The following ZNF366 variants were observed in gnomAD, a reference collection of about 807,000 sequenced individuals.
ZNF366 encodes zinc finger protein 366.
In ZNF366, 20 loss-of-function variants were observed where a neutral mutation model predicts 47.2. That is an observed-to-expected ratio of 0.42 (90% confidence interval 0.30 to 0.62). The LOEUF (loss-of-function observed/expected upper bound fraction) is 0.62. Ranked by LOEUF, ZNF366 falls within the 20% of genes least tolerant of loss-of-function variation. ZNF366 has a pLI of 0.16. For synonymous variants in ZNF366, 421 were observed against 395.1 expected, an observed-to-expected ratio of 1.07 and a Z score of -0.78; for missense variants, 987 against 976.3, an observed-to-expected ratio of 1.01 and a Z score of -0.15.
At chr5:72,506,435 C>G (rs749986151) in intron 1 of ZNF366, among the ~76,000 whole-genome samples, 1 of 152,156 alleles carries the variant, frequency 6.6e-6, no homozygotes, top group Non-Finnish European at 1.5e-5. Flanking sequence ...TAGCTTGCTA[C>G]GCCCTATTTG....
chr5:72,495,469 C>G (rs1338733972), intron 1 of ZNF366, among the ~76,000 whole-genome samples: 1 of 152,096 alleles, frequency 6.6e-6, no homozygotes, highest in Non-Finnish European at 1.5e-5. Flanking sequence ...TGTAACTGCT[C>G]CTGTATACTG....
chr5:72,486,812 G>A lies in ZNF366; in HGVS notation c.-15+20439C>T, dbSNP rs141558732. ...TTTTTTTTTTAGATGGAGTCACTCTGTCACCTAGGCTGGAGTGCAATGGCC... is the reference window on the plus strand; with the variant it reads ...TTTTTTTTTTAGATGGAGTCACTCTATCACCTAGGCTGGAGTGCAATGGCC... On this transcript the variant is annotated intron_variant, in intron 1 of 4. Coordinates refer to ENST00000318442, the MANE Select transcript of ZNF366 (RefSeq NM_152625.3). Among the ~76,000 whole-genome samples, 528 of 151,478 alleles carry A rather than the reference G, an allele frequency of 3.5e-3. 12 individuals are homozygous for A. The highest frequency in any genetic ancestry group is 0.029 in the Admixed American group (448 of 15,230).
intron 4 of ZNF366, among the ~76,000 whole-genome samples, chr5:72,444,800 A>G (rs1742928495): frequency 6.6e-6 from 1 of 152,202 alleles, no homozygotes; most frequent in Non-Finnish European, 1.5e-5. Context: ...GTGTGTGTGT[A>G]TTTATTTATA....
At chr5:72,503,534 C>G (rs1351533202) in intron 1 of ZNF366, among the ~76,000 whole-genome samples, 2 of 97,438 alleles carry the variant, frequency 2.1e-5, no homozygotes, top group African/African-American at 3.5e-5. Context: ...TTCTAATACA[C>G]ACACACACAC....
intron 2 of ZNF366, among the ~76,000 whole-genome samples, chr5:72,457,821 GATGGT>G (rs1743220330): frequency 6.6e-6 from 1 of 152,100 alleles, no homozygotes; most frequent in Non-Finnish European, 1.5e-5. Flanking sequence ...TAGTCCAGAT[GATGGT>G]ACATGAGTAT....
At chr5:72,455,936 A>G (rs532467157) in intron 3 of ZNF366, among the ~76,000 whole-genome samples, 139 of 150,948 alleles carry the variant, frequency 9.2e-4, no homozygotes, top group African/African-American at 3.2e-3. Context: ...CCAAGTGTCA[A>G]GAGGCAAGGA....
At chr5:72,464,012 T>C (rs963158392) in intron 1 of ZNF366, among the ~76,000 whole-genome samples, 1 of 152,190 alleles carries the variant, frequency 6.6e-6, no homozygotes, top group African/African-American at 2.4e-5. Context: ...GCTGCTCAGA[T>C]TGGAAAAGTC....
intron 1 of ZNF366, among the ~76,000 whole-genome samples, chr5:72,475,376 G>A (rs1259435717): frequency 2.0e-5 from 3 of 152,170 alleles, no homozygotes; most frequent in Non-Finnish European, 4.4e-5. Flanking sequence ...TTAGAGGCTT[G>A]CTACCTCACT....
intron 1 of ZNF366, among the ~76,000 whole-genome samples, chr5:72,471,660 A>G (rs1743567674): frequency 6.6e-6 from 1 of 152,228 alleles, no homozygotes; most frequent in African/African-American, 2.4e-5. Context: ...ATACTTTTGC[A>G]ACTTATACTT....
rs545249511 is a variant in ZNF366, at chr5:72,455,686, C to T, written c.1524+718G>A. Among the ~76,000 whole-genome samples, 10 of 152,330 alleles carry T rather than the reference C, an allele frequency of 6.6e-5. No homozygotes were observed. In the South Asian group the frequency reaches 1.7e-3, roughly 25 times the overall value. ...GGGTTTTACAAATCTCCAGCTCACA[C>T]GTTTTCTCGGCTGATGAAATACAAA... On this transcript the variant is annotated intron_variant, in intron 3 of 4. Coordinates refer to ENST00000318442, the MANE Select transcript of ZNF366 (RefSeq NM_152625.3).
chr5:72,465,217 T>A (rs1388926017), intron 1 of ZNF366, among the ~76,000 whole-genome samples: 1 of 152,192 alleles, frequency 6.6e-6, no homozygotes, highest in African/African-American at 2.4e-5. Flanking sequence ...TAGATCTGAT[T>A]TCCCCTTGGC....
At chr5:72,461,719 G>T (rs919312124) in intron 1 of ZNF366, among the ~76,000 whole-genome samples, 11 of 152,078 alleles carry the variant, frequency 7.2e-5, no homozygotes, top group African/African-American at 2.7e-4. Flanking sequence ...TGGCCTCTTG[G>T]GGTGACCCTA....
At chr5:72,505,368 G>A (rs1423680121) in intron 1 of ZNF366, among the ~76,000 whole-genome samples, 1 of 152,178 alleles carries the variant, frequency 6.6e-6, no homozygotes, top group Non-Finnish European at 1.5e-5. Flanking sequence ...TCACAGCAAT[G>A]ACTTAACAAC....
intron 1 of ZNF366, among the ~76,000 whole-genome samples, chr5:72,485,972 C>T (rs1373474244): frequency 1.3e-5 from 2 of 152,154 alleles, no homozygotes; most frequent in Admixed American, 1.3e-4. Flanking sequence ...AGTTTTTACA[C>T]AATACTGTGT....
rs368825174 is a variant in ZNF366, at chr5:72,473,149, G to A, written c.-14-11639C>T. Among the ~76,000 whole-genome samples the A allele has an allele frequency of 3.3e-5, 5 of 152,268 alleles. No individual in the cohort carries two copies. In the East Asian group the frequency reaches 9.6e-4, roughly 29 times the overall value. On this transcript the variant is annotated intron_variant, in intron 1 of 4. Transcript: ENST00000318442. ...AATTTGCTAGTCTTAAGAGAATTTT[G>A]TTCTGTTCTTTTACAATAAATAGTA... is the stretch of plus-strand genomic sequence containing the variant.
At position 72,461,373 on chromosome 5, in the gene ZNF366, G is replaced by A. The variant is rs372681269; in HGVS notation, c.124C>T (p.His42Tyr). 6.2e-7 allele frequency: 1 copy of A among 1,614,002 alleles called. No individual in the cohort carries two copies. The highest frequency in any genetic ancestry group is 8.5e-7 in the Non-Finnish European group (1 of 1,179,952). The part of the protein sequence containing the change: ...VASRGKAPQR[H>Y]PFPEALRGPF... ...CCTCGGAGAGCTTCCGGGAAGGGGT[G>A]TCTTTGGGGAGCCTTTCCCCGAGAA... The change falls in exon 2 of 5, where the codon CAC becomes TAC. Residue 42 changes from histidine (H) to tyrosine (Y), a missense_variant. Transcript: ENST00000318442.
At chr5:72,486,108 C>T (rs1290621953) in intron 1 of ZNF366, among the ~76,000 whole-genome samples, 1 of 152,202 alleles carries the variant, frequency 6.6e-6, no homozygotes, top group African/African-American at 2.4e-5. Flanking sequence ...CATTTTCCTC[C>T]ACTAGAATGC....
chr5:72,492,157 G>T (rs2112352099), intron 1 of ZNF366, among the ~76,000 whole-genome samples: 1 of 152,346 alleles, frequency 6.6e-6, no homozygotes, highest in Admixed American at 6.5e-5. Context: ...GCTTACACTT[G>T]AAATAACTTG....
At chr5:72,453,293 G>A (rs1391748542) in intron 3 of ZNF366, among the ~76,000 whole-genome samples, 1 of 152,246 alleles carries the variant, frequency 6.6e-6, no homozygotes, top group Non-Finnish European at 1.5e-5. Flanking sequence ...AAAGGAGAGA[G>A]AACGAAGACT....
Sources: gnomAD v4.1 joint callset for allele counts (sites outside exome capture counted in the v4.1 genomes callset) on GRCh38, gnomAD v4.1.1 for gene constraint, MANE v1.5 for transcripts, NCBI Gene and HGNC (gene_info 2026-07-23, HGNC 2026-07-21) for gene names.